Variants in KCNIP4 observed in about 807,000 individuals in gnomAD.
KCNIP4 encodes the protein Kv channel-interacting protein 4.
In KCNIP4, 12 loss-of-function variants were observed where a neutral mutation model predicts 34.0. The ratio of observed to expected loss-of-function variants is 0.35; its 90% CI spans 0.23 to 0.57. The LOEUF is 0.57. Ranked by LOEUF, KCNIP4 falls within the 20% of genes least tolerant of loss-of-function variation. The pLI, the probability that KCNIP4 is intolerant of heterozygous loss-of-function variation, is 0.83. For synonymous variants in KCNIP4, 124 were observed against 102.2 expected (o/e 1.21, Z -1.29); for missense variants, 238 against 311.7 (o/e 0.76, Z 1.78).
chr4:20,858,211 C>CAAAAAAAAA (rs778798968), intron 2 of KCNIP4, among the ~76,000 whole-genome samples: 12 of 70,732 alleles, frequency 1.7e-4, no homozygotes, highest in Admixed American at 3.7e-4. Flanking sequence ...AACTCCATCT[C>CAAAAAAAAA]AAAAAAAAAA....
rs560299444 is a variant in KCNIP4, at chr4:21,151,405, A to T, written c.62-268696T>A. On this transcript the variant is annotated intron_variant, in intron 1 of 8. Transcript: ENST00000382152. Reference sequence around the variant, plus strand: ...AGAATGGATGTCTTCAACAAAAGACAATTTTTTTTTTTTTTTTTTTTTTTT... The same window carrying T: ...AGAATGGATGTCTTCAACAAAAGACTATTTTTTTTTTTTTTTTTTTTTTTT... Among the ~76,000 whole-genome samples, 22 of 93,512 alleles carry T rather than the reference A, an allele frequency of 2.4e-4. 2 individuals carry two copies. Among genetic ancestry groups the T allele is most frequent in the African/African-American group, 8.9e-4 (22 of 24,702 alleles). The allele number at this position is 93,512 out of a possible 152,430, so 61.3% of individuals were successfully genotyped here.
At chr4:21,795,886 A>G (rs1280512029) in intron 1 of KCNIP4, among the ~76,000 whole-genome samples, 1 of 152,154 alleles carries the variant, frequency 6.6e-6, no homozygotes, top group African/African-American at 2.4e-5. Flanking sequence ...TGGCCAACAC[A>G]TGGTGAGACC....
intron 3 of KCNIP4, among the ~76,000 whole-genome samples, chr4:20,782,199 C>T (rs1451219607): frequency 1.3e-5 from 2 of 152,154 alleles, no homozygotes; most frequent in East Asian, 3.9e-4. Context: ...AGCCTCTCTC[C>T]AGGCTGCTTT....
At chr4:20,872,776 CA>C (rs772139283) in intron 2 of KCNIP4, among the ~76,000 whole-genome samples, 1 of 151,962 alleles carries the variant, frequency 6.6e-6, no homozygotes, top group Non-Finnish European at 1.5e-5. Flanking sequence ...TTAACAGTAA[CA>C]AAAGTGGAAA....
chr4:21,027,945 C>T (rs996008844), intron 1 of KCNIP4, among the ~76,000 whole-genome samples: 2 of 152,020 alleles, frequency 1.3e-5, no homozygotes, highest in African/African-American at 2.4e-5. Context: ...AATTAATTAC[C>T]TTTTCAACAT....
At chr4:21,535,285 T>C (rs561372017) in intron 1 of KCNIP4, among the ~76,000 whole-genome samples, 1 of 152,290 alleles carries the variant, frequency 6.6e-6, no homozygotes, top group South Asian at 2.1e-4. Context: ...TTCCAATGTA[T>C]AGAAAAGTCT....
At chr4:20,736,990 T>TA (rs1309357513) in intron 5 of KCNIP4, among the ~76,000 whole-genome samples, 3 of 152,148 alleles carry the variant, frequency 2.0e-5, no homozygotes, top group Admixed American at 2.0e-4. Context: ...TGAGTCTAGA[T>TA]ATAAACCAGC....
At chr4:20,878,129 A>G (rs1724266410) in intron 2 of KCNIP4, among the ~76,000 whole-genome samples, 1 of 152,166 alleles carries the variant, frequency 6.6e-6, no homozygotes, top group African/African-American at 2.4e-5. Context: ...AGCTCTGCCA[A>G]CTGGGGCATT....
At chr4:20,779,033 A>T (rs1005984542) in intron 3 of KCNIP4, among the ~76,000 whole-genome samples, 1 of 152,124 alleles carries the variant, frequency 6.6e-6, no homozygotes, top group African/African-American at 2.4e-5. Context: ...ATAAATTATA[A>T]AGAGGAATCA....
At chr4:21,227,206 T>A (rs536402201) in intron 1 of KCNIP4, among the ~76,000 whole-genome samples, 2 of 152,342 alleles carry the variant, frequency 1.3e-5, no homozygotes, top group African/African-American at 4.8e-5. Context: ...TTGGTAATCA[T>A]CTGTCTTTCT....
rs547406215 is a variant in KCNIP4, at chr4:21,602,713, G to A, written c.61+345858C>T. Among the ~76,000 whole-genome samples, 11 of 152,152 alleles carry A rather than the reference G, an allele frequency of 7.2e-5. No homozygotes were observed. In the South Asian group the frequency reaches 2.1e-3, roughly 29 times the overall value. On this transcript the variant is annotated intron_variant, in intron 1 of 8. Coordinates refer to ENST00000382152, the MANE Select transcript of KCNIP4 (RefSeq NM_025221.6). ...AATTGTAGCTGCAACTGTAGCTGTG[G>A]GTACTCATCTTTTTGATTTACGTAT...
At chr4:20,841,276 T>C (rs2149471582) in intron 3 of KCNIP4, among the ~76,000 whole-genome samples, 1 of 152,316 alleles carries the variant, frequency 6.6e-6, no homozygotes, top group Admixed American at 6.5e-5. Flanking sequence ...TATTTATTGA[T>C]TACCTGTCAT....
intron 1 of KCNIP4, among the ~76,000 whole-genome samples, chr4:21,240,392 A>C (rs1759722465): frequency 6.6e-6 from 1 of 151,932 alleles, no homozygotes; most frequent in Admixed American, 6.6e-5. Context: ...AAAATGAAAA[A>C]ATTTAAAAAG....
intron 1 of KCNIP4, among the ~76,000 whole-genome samples, chr4:21,548,890 A>C (rs920385366): frequency 1.3e-5 from 2 of 152,054 alleles, no homozygotes; most frequent in African/African-American, 4.8e-5. Flanking sequence ...TTTTCCATAC[A>C]GAGCAGGGTT....
At chr4:21,237,771 T>C (rs1759478156) in intron 1 of KCNIP4, among the ~76,000 whole-genome samples, 1 of 152,164 alleles carries the variant, frequency 6.6e-6, no homozygotes, top group African/African-American at 2.4e-5. Flanking sequence ...CAGGACCAGA[T>C]GGATTCACAG....
intron 3 of KCNIP4, among the ~76,000 whole-genome samples, chr4:20,769,151 T>C (rs1755660384): frequency 6.6e-6 from 1 of 151,972 alleles, no homozygotes; most frequent in Non-Finnish European, 1.5e-5. Flanking sequence ...GCTTTGAGTC[T>C]TAGTCTTTAA....
chr4:20,963,177 A>T lies in KCNIP4; in HGVS notation c.62-80468T>A, dbSNP rs371792445. Among the ~76,000 whole-genome samples, 428 of 151,776 alleles carry T rather than the reference A, an allele frequency of 2.8e-3. 2 individuals are homozygous for T. The highest frequency in any genetic ancestry group is 3.9e-3 in the Non-Finnish European group (265 of 67,848). ...CTTTACTAAAAATACAAAAAAAAAA[A>T]TGAGCTGGGCATGGTGACACACGCC... On this transcript the variant is annotated intron_variant, in intron 1 of 8. Transcript: ENST00000382152.
chr4:21,531,364 C>CCTCCCTCA (rs2108978182), intron 1 of KCNIP4, among the ~76,000 whole-genome samples: 1 of 133,082 alleles, frequency 7.5e-6, no homozygotes, highest in African/African-American at 2.8e-5. Context: ...TCCCTCCCTC[C>CCTCCCTCA]CTCCCTTCCT....
At chr4:20,884,617 C>T (rs1330843536) in intron 1 of KCNIP4, among the ~76,000 whole-genome samples, 2 of 151,974 alleles carry the variant, frequency 1.3e-5, no homozygotes, top group Non-Finnish European at 2.9e-5. Context: ...CCCCTTTATG[C>T]CATTTCAAAC....
Sources: allele counts gnomAD v4.1 joint callset (sites outside exome capture counted in the v4.1 genomes callset), GRCh38; gene constraint gnomAD v4.1.1; transcripts MANE v1.5; gene names NCBI Gene and HGNC (gene_info 2026-07-23, HGNC 2026-07-21).